The following CACNG3 variants were observed in gnomAD, a reference collection of about 807,000 sequenced individuals.
The protein encoded by CACNG3 is calcium voltage-gated channel auxiliary subunit gamma 3, also known as voltage-dependent calcium channel gamma-3 subunit.
In CACNG3, 3 loss-of-function variants were observed where a neutral mutation model predicts 28.5. The observed-to-expected ratio is 0.11, with a 90% confidence interval of 0.05 to 0.27. CACNG3 has a LOEUF of 0.27. CACNG3 is among the 10% of genes least tolerant of loss of function. CACNG3 has a pLI of 1.00. For missense variants in CACNG3, 236 were observed against 414.4 expected (o/e 0.57, Z 3.74); for synonymous variants, 174 against 162.2 (o/e 1.07, Z -0.55).
chr16:24,275,038 T>C lies in CACNG3; in HGVS notation c.211+18073T>C, dbSNP rs890950426. On this transcript the variant is annotated intron_variant, in intron 1 of 3. Coordinates refer to ENST00000005284, the MANE Select transcript of CACNG3 (RefSeq NM_006539.4). ...GACTTCCTAAGATCCTTTTAAGGGA[T>C]TGGCAAGGTTGAAACTATTTCAGAA... Among the ~76,000 whole-genome samples the C allele has an allele frequency of 3.9e-5, 6 of 152,212 alleles. No individual in the cohort carries two copies. In the East Asian group the frequency reaches 5.8e-4, roughly 15 times the overall value.
At chr16:24,349,707 G>C (rs897749421) in intron 2 of CACNG3, among the ~76,000 whole-genome samples, 1 of 152,136 alleles carries the variant, frequency 6.6e-6, no homozygotes, top group African/African-American at 2.4e-5. Context: ...TGGTTTTGGC[G>C]GGTTTGGGCT....
intron 3 of CACNG3, among the ~76,000 whole-genome samples, chr16:24,358,971 C>T (rs1351674021): frequency 6.6e-6 from 1 of 152,112 alleles, no homozygotes; most frequent in East Asian, 1.9e-4. Flanking sequence ...ATGGTAAGCG[C>T]CCTGTAAATA....
intron 1 of CACNG3, among the ~76,000 whole-genome samples, chr16:24,325,316 C>T (rs992627320): frequency 3.3e-5 from 5 of 152,172 alleles, no homozygotes; most frequent in Non-Finnish European, 7.3e-5. Context: ...TTCTCATTCC[C>T]TGGGACAAAA....
rs149683604 is a variant in CACNG3 at position 24,264,499 on chromosome 16, A to T, written c.211+7534A>T. ...CATAGGACCCTCCAATAACCAATGCATGTAACTCCACAAGACAGTCAGCAC... is the reference window on the plus strand; with the variant it reads ...CATAGGACCCTCCAATAACCAATGCTTGTAACTCCACAAGACAGTCAGCAC... On this transcript the variant is annotated intron_variant, in intron 1 of 3. Transcript: ENST00000005284. Among the ~76,000 whole-genome samples the T allele has an allele frequency of 4.4e-3, 669 of 152,340 alleles. 3 individuals are homozygous for T. Among genetic ancestry groups the T allele is most frequent in the Non-Finnish European group, 7.2e-3 (491 of 68,044 alleles).
chr16:24,311,508 CAA>C (rs11308886), intron 1 of CACNG3, among the ~76,000 whole-genome samples: 64 of 141,446 alleles, frequency 4.5e-4, no homozygotes, highest in African/African-American at 1.0e-3. Flanking sequence ...GACTACATTT[CAA>C]AAAAAAAAAA....
intron 1 of CACNG3, among the ~76,000 whole-genome samples, chr16:24,331,354 A>T (rs1899628924): frequency 6.6e-6 from 1 of 152,206 alleles, no homozygotes; most frequent in South Asian, 2.1e-4. Context: ...AGAAATGGAC[A>T]GGTAGCAAGG....
At chr16:24,314,685 CAT>C (rs1567216488) in intron 1 of CACNG3, among the ~76,000 whole-genome samples, 1 of 151,708 alleles carries the variant, frequency 6.6e-6, no homozygotes, top group African/African-American at 2.4e-5. Context: ...TCCCAGCAGA[CAT>C]GTGGCAGCTA....
intron 1 of CACNG3, among the ~76,000 whole-genome samples, chr16:24,316,076 T>C (rs1025261432): frequency 2.0e-5 from 3 of 151,964 alleles, no homozygotes; most frequent in African/African-American, 7.2e-5. Flanking sequence ...CGTATTATTA[T>C]TATCCCTATT....
At chr16:24,298,493 TTAAA>T (rs1321500394) in intron 1 of CACNG3, among the ~76,000 whole-genome samples, 2 of 152,188 alleles carry the variant, frequency 1.3e-5, no homozygotes, top group Non-Finnish European at 2.9e-5. Context: ...TAGTATATTT[TTAAA>T]TAAACTTTTT....
chr16:24,346,893 G>T (rs185111555), intron 2 of CACNG3, 76 bp downstream of exon 2: 1 of 1,124,966 alleles, frequency 8.9e-7, no homozygotes, highest in African/African-American at 1.5e-5. Context: ...CCTCTGAGTC[G>T]GAGCTTCCTC....
At chr16:24,276,300 T>C (rs1194386459) in intron 1 of CACNG3, among the ~76,000 whole-genome samples, 1 of 152,252 alleles carries the variant, frequency 6.6e-6, no homozygotes, top group Non-Finnish European at 1.5e-5. Flanking sequence ...TATTTTCAAA[T>C]GAATTTTAAA....
At chr16:24,290,910 G>A (rs1444644907) in intron 1 of CACNG3, among the ~76,000 whole-genome samples, 1 of 152,172 alleles carries the variant, frequency 6.6e-6, no homozygotes, top group Non-Finnish European at 1.5e-5. Context: ...CTTCCTAAGA[G>A]GATGATGTGT....
chr16:24,313,073 G>GGAAGGA (rs1555460277), intron 1 of CACNG3, among the ~76,000 whole-genome samples: 8 of 137,924 alleles, frequency 5.8e-5, no homozygotes, highest in African/African-American at 8.5e-5. Context: ...GCGAGGGAGG[G>GGAAGGA]AGGAAGGAAG....
chr16:24,316,407 G>A (rs563580410), intron 1 of CACNG3, among the ~76,000 whole-genome samples: 39 of 151,888 alleles, frequency 2.6e-4, no homozygotes, highest in Non-Finnish European at 4.9e-4. Flanking sequence ...CAAATGTCCG[G>A]CACACTGAGA....
chr16:24,270,549 C>A (rs1294698343), intron 1 of CACNG3, among the ~76,000 whole-genome samples: 6 of 152,202 alleles, frequency 3.9e-5, no homozygotes, highest in Admixed American at 2.0e-4. Context: ...CTTTTTCACT[C>A]TTTGGTGAGT....
At chr16:24,263,743 T>C (rs953917645) in intron 1 of CACNG3, among the ~76,000 whole-genome samples, 7 of 152,256 alleles carry the variant, frequency 4.6e-5, no homozygotes, top group Non-Finnish European at 7.3e-5. Flanking sequence ...TGTTTCTGTT[T>C]TAATTCTTGT....
chr16:24,281,515 G>A (rs1221402306), intron 1 of CACNG3, among the ~76,000 whole-genome samples: 4 of 152,108 alleles, frequency 2.6e-5, no homozygotes, highest in African/African-American at 4.8e-5. Flanking sequence ...CAGGAGGGCT[G>A]TGTACTTGAA....
intron 1 of CACNG3, among the ~76,000 whole-genome samples, chr16:24,332,420 G>A (rs1420067874): frequency 2.7e-5 from 4 of 150,078 alleles, no homozygotes; most frequent in African/African-American, 9.8e-5. Context: ...AGCCATGATT[G>A]TGCCACTGCC....
At chr16:24,333,172 C>T (rs930992235) in intron 1 of CACNG3, among the ~76,000 whole-genome samples, 12 of 152,064 alleles carry the variant, frequency 7.9e-5, no homozygotes, top group African/African-American at 2.7e-4. Flanking sequence ...TGGACTACCA[C>T]GCAATTTTAT....
Sources: allele counts gnomAD v4.1 joint callset (sites outside exome capture counted in the v4.1 genomes callset), GRCh38; gene constraint gnomAD v4.1.1; transcripts MANE v1.5; gene names NCBI Gene and HGNC (gene_info 2026-07-23, HGNC 2026-07-21).